The following SUPT16H variants were observed in gnomAD, a reference collection of about 807,000 sequenced individuals.
The protein encoded by SUPT16H is FACT complex subunit SPT16.
Under a neutral mutation model 136.2 loss-of-function variants are expected in SUPT16H, and 24 were observed. The observed-to-expected ratio is 0.18, with a 90% CI of 0.13 to 0.25. SUPT16H has a LOEUF of 0.25. Ranked by LOEUF, SUPT16H falls within the 10% of genes least tolerant of loss-of-function variation. SUPT16H has a pLI of 1.00. For missense variants in SUPT16H, 623 were observed against 1,270.2 expected, an observed-to-expected ratio of 0.49 and a Z score of 7.74; for synonymous variants, 415 against 428.2, an observed-to-expected ratio of 0.97 and a Z score of 0.38.
At chr14:21,364,690 G>C in intron 10 of SUPT16H, 137 bp downstream of exon 10, 1 of 663,120 alleles carries the variant, frequency 1.5e-6, no homozygotes, top group Non-Finnish European at 2.6e-6. Flanking sequence ...TCTATTCCTA[G>C]CTGCATTAGG....
intron 1 of SUPT16H, 147 bp from the exon 2 acceptor site, chr14:21,373,577 T>C: frequency 1.5e-6 from 1 of 648,838 alleles, no homozygotes; most frequent in East Asian, 2.7e-5. Context: ...CTTACGGCTA[T>C]TCTATTTTTT....
intron 22 of SUPT16H, 116 bp from the exon 23 acceptor site, chr14:21,354,656 A>G (rs1039860574): frequency 1.2e-5 from 15 of 1,299,952 alleles, no homozygotes; most frequent in Non-Finnish European, 1.5e-5. Context: ...CAGTGGCACA[A>G]TCTTCGCTCA....
intron 14 of SUPT16H, 47 bp from the exon 15 acceptor site, chr14:21,362,371 G>A (rs747304532): frequency 6.6e-5 from 104 of 1,578,882 alleles, no homozygotes; most frequent in Non-Finnish European, 7.8e-6. Context: ...CTTTCCTAGA[G>A]ATTAGTAGTT....
At chr14:21,365,417 C>T (rs1351745811) in intron 8 of SUPT16H, among the ~76,000 whole-genome samples, 1 of 152,074 alleles carries the variant, frequency 6.6e-6, no homozygotes, top group Admixed American at 6.6e-5. Flanking sequence ...TAACCTTCTA[C>T]CATAAAATCA....
At chr14:21,378,552 T>C (rs1438484214) in intron 1 of SUPT16H, among the ~76,000 whole-genome samples, 1 of 152,158 alleles carries the variant, frequency 6.6e-6, no homozygotes, top group Non-Finnish European at 1.5e-5. Context: ...AGGGTTTACT[T>C]AAAATTCTTT....
At chr14:21,367,861 T>C (rs1444108280) in intron 7 of SUPT16H, among the ~76,000 whole-genome samples, 1 of 152,200 alleles carries the variant, frequency 6.6e-6, no homozygotes, top group African/African-American at 2.4e-5. Flanking sequence ...GTTTTTAATA[T>C]GAGAGCCTCA....
At chr14:21,361,310 G>GATTTTTTTTTTTTTTTTTT in intron 15 of SUPT16H, 97 bp from the exon 16 acceptor site, 1 of 853,290 alleles carries the variant, frequency 1.2e-6, no homozygotes, top group Non-Finnish European at 1.6e-6. Flanking sequence ...TCTCTACTTT[G>GATTTTTTTTTTTTTTTTTT]CTTTTTTTTT....
Position 21,352,608 on chromosome 14 carries a change from A to T in SUPT16H, c.*65T>A. ...AAACGAAAGGAAAAATACAGTTTCT[A>T]TGTCATGTAAAATTTTCAGGGGTTG... On this transcript the variant is annotated 3_prime_UTR_variant, in exon 26 of 26. Transcript: ENST00000216297. 1.2e-6 allele frequency: 2 copies of T among 1,606,074 alleles called. No homozygotes were observed. The highest frequency in any genetic ancestry group is 1.7e-6 in the Non-Finnish European group (2 of 1,177,020).
In SUPT16H at chr14:21,365,111, G is replaced by A; in HGVS notation, c.1079C>T (p.Ser360Phe). The change falls in exon 9 of 26, where the codon TCC (serine) becomes TTC (phenylalanine). Residue 360 changes from serine to phenylalanine, a missense_variant. By Grantham distance (155) the Ser-to-Phe change is radical (BLOSUM62 -2). Around this residue, in one of 7 missense-constraint regions of SUPT16H, gnomAD observed 343 missense variants for 525.7 expected, o/e 0.65. Transcript: ENST00000216297. ...TTGATTTTTGCTATTGATTACTAGGGAGCCTTCACGGAATTCAATTCCCAT... is the reference window on the plus strand; with the variant it reads ...TTGATTTTTGCTATTGATTACTAGGAAGCCTTCACGGAATTCAATTCCCAT... The part of the protein sequence containing the change: ...FGMGIEFREG[S>F]LVINSKNQYK... 1.2e-6 allele frequency: 2 copies of A among 1,613,780 alleles called. No homozygotes were observed. The highest frequency in any genetic ancestry group is 1.7e-6 in the Non-Finnish European group (2 of 1,179,874).
intron 1 of SUPT16H, among the ~76,000 whole-genome samples, chr14:21,377,493 T>C (rs1443452321): frequency 6.6e-6 from 1 of 152,158 alleles, no homozygotes; most frequent in African/African-American, 2.4e-5. Context: ...TTGACTTTGG[T>C]TAACTATATT....
chr14:21,376,990 T>C (rs1230552641), intron 1 of SUPT16H, among the ~76,000 whole-genome samples: 3 of 151,204 alleles, frequency 2.0e-5, no homozygotes, highest in African/African-American at 7.3e-5. Context: ...GGAGAATCTC[T>C]TGAACCTGGG....
At position 21,373,404 on chromosome 14, in the gene SUPT16H, A is replaced by G; in HGVS notation, c.93T>C (p.Val31=). Residue 31 remains valine (V), a synonymous_variant, in exon 2 of 26, where the codon GTT becomes GTC. Transcript: ENST00000216297. Reference sequence around the variant, plus strand: ...CACCCACTGATACAACAATGGCATCAACGTTGGCATACTCATCTTCTCCTT... The same window carrying G: ...CACCCACTGATACAACAATGGCATCGACGTTGGCATACTCATCTTCTCCTT... ...WRKGEDEYAN[V]DAIVVSVGVD... 1.2e-6 allele frequency: 2 copies of G among 1,614,150 alleles called. No individual in the cohort carries two copies. Among genetic ancestry groups the G allele is most frequent in the Non-Finnish European group, 1.7e-6 (2 of 1,179,978 alleles).
chr14:21,357,818 T>TCG (rs1013815688), intron 21 of SUPT16H, 109 bp downstream of exon 21: 1 of 1,116,632 alleles, frequency 9.0e-7, no homozygotes, highest in African/African-American at 1.6e-5. Context: ...GAGTTTTAAG[T>TCG]CTAAGTAAAT....
At position 21,352,827 on chromosome 14, in the gene SUPT16H, A is replaced by G. The variant is rs1301076158; in HGVS notation, c.2999-9T>C. ...ACGACTTTCTCGGTCCGCTAAATAG[A>G]AGAGGCATTATTAGTTAGCAATAGG... is the stretch of plus-strand genomic sequence containing the variant. On this transcript the variant is annotated splice_polypyrimidine_tract_variant and intron_variant, in intron 25 of 25. Transcript: ENST00000216297. 7 of 1,614,042 alleles carry G rather than the reference A, an allele frequency of 4.3e-6. No homozygotes were observed. The South Asian group carries it at 7.7e-5, about 18-fold the overall frequency.
chr14:21,375,099 C>T (rs1407177380), intron 1 of SUPT16H, among the ~76,000 whole-genome samples: 8 of 152,036 alleles, frequency 5.3e-5, no homozygotes, highest in African/African-American at 1.9e-4. Flanking sequence ...CTGCAACCTC[C>T]GCCTCCTAGG....
intron 7 of SUPT16H, among the ~76,000 whole-genome samples, chr14:21,367,129 T>C (rs1030199352): frequency 1.3e-5 from 2 of 152,136 alleles, no homozygotes; most frequent in African/African-American, 4.8e-5. Context: ...TTTTAGTAGA[T>C]GGGGTTTCGC....
At chr14:21,383,812 A>G (rs1245574654) in intron 1 of SUPT16H, 50 bp downstream of exon 1, 1 of 1,606,386 alleles carries the variant, frequency 6.2e-7, no homozygotes, top group Admixed American at 1.7e-5. Context: ...CAGGGTTATT[A>G]TGGGATGGCT....
rs1416028307 is a variant in SUPT16H at position 21,358,384 on chromosome 14, T to C, written c.2345A>G (p.Asn782Ser). The C allele has an allele frequency of 1.2e-6, 2 of 1,613,906 alleles. No homozygotes were observed. The highest frequency in any genetic ancestry group is 1.3e-5 in the African/African-American group (1 of 75,036). The part of the protein sequence containing the change: ...MRHKLKTAFK[N>S]FIEKVEALTK... ...TAGAGCCTCTACTTTCTCAATGAAA[T>C]TTTTAAAGGCTGTTTTCAGTTTGTG... Residue 782 changes from asparagine (N) to serine (S), a missense_variant, in exon 20 of 26, where the codon AAT (asparagine) becomes AGT (serine). Physicochemically the swap from Asn to Ser is conservative, Grantham distance 46 (BLOSUM62 1). Coordinates refer to ENST00000216297, the MANE Select transcript of SUPT16H (RefSeq NM_007192.4).
rs1014244837 is a variant in SUPT16H, at chr14:21,383,990, G to A, written c.-63C>T. 11 of 1,593,262 alleles carry A rather than the reference G, an allele frequency of 6.9e-6. No individual in the cohort carries two copies. The highest frequency in any genetic ancestry group is 4.5e-5 in the East Asian group (2 of 44,792). On this transcript the variant is annotated 5_prime_UTR_variant, in exon 1 of 26. Coordinates refer to ENST00000216297, the MANE Select transcript of SUPT16H (RefSeq NM_007192.4). Reference sequence around the variant, plus strand: ...ACGCGAGGTCCCGGCTCAGCCACCCGCTCTCGGCCCAGGAATCCCGCACTC... The same window carrying A: ...ACGCGAGGTCCCGGCTCAGCCACCCACTCTCGGCCCAGGAATCCCGCACTC...
Sources: gnomAD v4.1 joint callset for allele counts (sites outside exome capture counted in the v4.1 genomes callset) on GRCh38, gnomAD v4.1.1 for gene constraint, gnomAD v4.1.1 regional missense constraint, MANE v1.5 for transcripts, NCBI Gene and HGNC (gene_info 2026-07-23, HGNC 2026-07-21) for gene names.